Variants in APOBEC1 observed in about 807,000 individuals in gnomAD.
APOBEC1 encodes C->U-editing enzyme APOBEC-1.
In APOBEC1, 22 loss-of-function variants were observed where a neutral mutation model predicts 26.3. The observed-to-expected ratio is 0.84, with a 90% CI of 0.60 to 1.19. The LOEUF (loss-of-function observed/expected upper bound fraction) is 1.19, where lower values mean the gene tolerates loss of function less well. Ranked by LOEUF, APOBEC1 falls within the 50% of genes most tolerant of loss-of-function variation. APOBEC1 has a pLI of 0.00. For synonymous variants in APOBEC1, 77 were observed against 95.3 expected (o/e 0.81, Z 1.12); for missense variants, 253 against 289.0 (o/e 0.88, Z 0.90).
intron 1 of APOBEC1, among the ~76,000 whole-genome samples, chr12:7,656,026 G>A (rs7137790): frequency 0.14 from 21,983 of 151,794 alleles, 1,832 homozygotes; most frequent in South Asian, 0.29. Context: ...TTGTGGAGGC[G>A]TGTTCTCTCT....
At chr12:7,661,843 A>G (rs1863824286) in intron 1 of APOBEC1, among the ~76,000 whole-genome samples, 1 of 152,222 alleles carries the variant, frequency 6.6e-6, no homozygotes, top group Admixed American at 6.5e-5. Context: ...GTCCAGCACT[A>G]GAATTGAGAG....
intron 2 of APOBEC1, among the ~76,000 whole-genome samples, 171 bp from the exon 3 acceptor site, chr12:7,653,006 C>T (rs950944669): frequency 6.6e-6 from 1 of 151,822 alleles, no homozygotes; most frequent in African/African-American, 2.4e-5. Context: ...CTCAGCTCAC[C>T]ACAACCTCCA....
intron 1 of APOBEC1, 28 bp downstream of exon 1, chr12:7,665,829 A>T (rs1379229576): frequency 5.6e-6 from 9 of 1,604,064 alleles, no homozygotes; most frequent in Non-Finnish European, 7.7e-6. Context: ...GTTCAAGAAT[A>T]CTTGCCAAGC....
At chr12:7,651,200 A>T in intron 3 of APOBEC1, 59 bp from the exon 4 acceptor site, 2 of 1,210,674 alleles carry the variant, frequency 1.7e-6, no homozygotes, top group Non-Finnish European at 2.5e-6. Flanking sequence ...ACTTAAGAAG[A>T]TCCCCAACCT....
chr12:7,667,741 C>A (rs1344083266), upstream of APOBEC1, among the ~76,000 whole-genome samples: 1 of 151,840 alleles, frequency 6.6e-6, no homozygotes, highest in African/African-American at 2.4e-5. Context: ...ATGGCAAAAC[C>A]CAGTCTCCTA....
intron 1 of APOBEC1, 53 bp from the exon 2 acceptor site, chr12:7,654,685 G>A: frequency 1.9e-6 from 3 of 1,573,672 alleles, no homozygotes; most frequent in Non-Finnish European, 2.6e-6. Flanking sequence ...CAAATGAGTT[G>A]CTAAGAAAAA....
At chr12:7,653,106 A>AT (rs1348224748) in intron 2 of APOBEC1, among the ~76,000 whole-genome samples, 2 of 149,664 alleles carry the variant, frequency 1.3e-5, no homozygotes, top group Admixed American at 6.7e-5. Flanking sequence ...ATTTTTTTGT[A>AT]TTTTTAGTAG....
At chr12:7,660,934 C>A (rs1426096291) in intron 1 of APOBEC1, among the ~76,000 whole-genome samples, 1 of 151,302 alleles carries the variant, frequency 6.6e-6, no homozygotes, top group Non-Finnish European at 1.5e-5. Flanking sequence ...TGGCTCACAC[C>A]TCTAATCCCA....
chr12:7,660,376 G>GAAGGAAGGACAC (rs1290120140), intron 1 of APOBEC1, among the ~76,000 whole-genome samples: 2 of 60,982 alleles, frequency 3.3e-5, no homozygotes, highest in Non-Finnish European at 8.1e-5. Flanking sequence ...AGGAAGGAAG[G>GAAGGAAGGACAC]AAAGAAAGAA....
chr12:7,654,707 T>C (rs889838814), intron 1 of APOBEC1, 75 bp from the exon 2 acceptor site: 10 of 1,359,020 alleles, frequency 7.4e-6, no homozygotes, highest in African/African-American at 1.4e-5. Flanking sequence ...TGCTCTATTA[T>C]TCCAAACCTC....
chr12:7,652,876 A>G, intron 2 of APOBEC1, 41 bp from the exon 3 acceptor site: 1 of 1,412,158 alleles, frequency 7.1e-7, no homozygotes, highest in Non-Finnish European at 9.2e-7. Flanking sequence ...TGCCACATTT[A>G]GAGAGATCTT....
intron 1 of APOBEC1, among the ~76,000 whole-genome samples, chr12:7,655,769 T>C (rs959706419): frequency 6.6e-6 from 1 of 151,926 alleles, no homozygotes; most frequent in Non-Finnish European, 1.5e-5. Flanking sequence ...CAGAAGGATC[T>C]CTTGAAGCCA....
Position 7,651,068 on chromosome 12 carries a change from A to G in APOBEC1, c.516T>C (p.Pro172=). The G allele has an allele frequency of 6.2e-7, 1 of 1,614,166 alleles. No individual in the cohort carries two copies. The change falls in exon 4 of 5, where the codon CCT becomes CCC. Residue 172 remains proline, a synonymous_variant. Coordinates refer to ENST00000229304, the MANE Select transcript of APOBEC1 (RefSeq NM_001644.5). ...CCAGTGCGTACAACATCATCCACAGAGGTGGGTATTGTGGCCAGTGAGCTT... is the reference window on the plus strand; with the variant it reads ...CCAGTGCGTACAACATCATCCACAGGGGTGGGTATTGTGGCCAGTGAGCTT... ...GDEAHWPQYP[P]LWMMLYALEL...
chr12:7,660,386 A>AGGAAGGAAGGAC (rs1309820289), intron 1 of APOBEC1, among the ~76,000 whole-genome samples: 43 of 105,098 alleles, frequency 4.1e-4, no homozygotes, highest in Non-Finnish European at 7.3e-4. Context: ...GAAAGAAAGA[A>AGGAAGGAAGGAC]AGAAAGAAAG....
intron 1 of APOBEC1, 125 bp from the exon 2 acceptor site, chr12:7,654,757 G>A (rs755554020): frequency 3.5e-5 from 33 of 948,542 alleles, no homozygotes; most frequent in Non-Finnish European, 4.9e-5. Flanking sequence ...ATTCTCTCAT[G>A]GATTAATTGT....
At chr12:7,659,920 G>C (rs1464503170) in intron 1 of APOBEC1, among the ~76,000 whole-genome samples, 1 of 152,092 alleles carries the variant, frequency 6.6e-6, no homozygotes, top group Non-Finnish European at 1.5e-5. Context: ...AGTGAGCCGA[G>C]ATCAAGCCAC....
chr12:7,651,171 A>G (rs1418020914), intron 3 of APOBEC1, 30 bp from the exon 4 acceptor site: 4 of 1,473,296 alleles, frequency 2.7e-6, no homozygotes, highest in African/African-American at 1.4e-5. Flanking sequence ...GGCTCATTCA[A>G]CAAGCACAAT....
In APOBEC1 at chr12:7,649,869, G is replaced by A. The variant is rs111273983; in HGVS notation, c.562-173C>T. 4.1e-3 allele frequency among the ~76,000 whole-genome samples: 618 copies of A among 151,518 alleles called. 2 individuals are homozygous for A. Among genetic ancestry groups the A allele is most frequent in the African/African-American group, 0.014 (592 of 41,232 alleles). On this transcript the variant is annotated intron_variant, in intron 4 of 4. Coordinates refer to ENST00000229304, the MANE Select transcript of APOBEC1 (RefSeq NM_001644.5). ...TCACTGCATTCACCCAGGCTGGAGC[G>A]CAGTGGTGCAATCACAGCTCACTGC...
At chr12:7,652,120 C>A (rs1339761109) in intron 3 of APOBEC1, among the ~76,000 whole-genome samples, 4 of 152,126 alleles carry the variant, frequency 2.6e-5, no homozygotes. Flanking sequence ...CCGCACCTGG[C>A]CGGATTTTTA....
Sources: allele counts gnomAD v4.1 joint callset (sites outside exome capture counted in the v4.1 genomes callset), GRCh38; gene constraint gnomAD v4.1.1; transcripts MANE v1.5; gene names NCBI Gene and HGNC (gene_info 2026-07-23, HGNC 2026-07-21).